The following CLHC1 variants were observed in gnomAD, a reference collection of about 807,000 sequenced individuals.
CLHC1 encodes clathrin heavy chain linker domain-containing protein 1.
CLHC1 carries 72 observed loss-of-function variants against 69.5 expected under a neutral mutation model. The observed-to-expected ratio is 1.04, with a 90% CI of 0.86 to 1.26. The LOEUF (loss-of-function observed/expected upper bound fraction) is 1.26, where lower values mean the gene tolerates loss of function less well. CLHC1 is among the 50% of genes most tolerant of loss of function. The pLI is 0.00. For synonymous variants in CLHC1, 223 were observed against 224.3 expected, an observed-to-expected ratio of 0.99 and a Z score of 0.05; for missense variants, 790 against 679.3, an observed-to-expected ratio of 1.16 and a Z score of -1.81.
At position 55,177,629 on chromosome 2, in the gene CLHC1, G is replaced by A. The variant is rs201825769; in HGVS notation, c.1537C>T (p.Leu513Phe). The A allele has an allele frequency of 1.7e-5, 27 of 1,605,170 alleles. No individual in the cohort carries two copies. Among genetic ancestry groups the A allele is most frequent in the Non-Finnish European group, 2.2e-5 (26 of 1,175,314 alleles). The change falls in exon 12 of 13, where the codon CTT becomes TTT. Residue 513 changes from leucine to phenylalanine, a missense_variant. Transcript: ENST00000401408. ...ATCCCACCTTTATTGATTTCTTGAA[G>A]TAGCTTAATGCCAACTTTTTTCATG... ...ADMKKVGIKL[L>F]QEINKGGIDA...
intron 4 of CLHC1, among the ~76,000 whole-genome samples, chr2:55,213,714 A>G (rs1274954630): frequency 6.6e-6 from 1 of 152,246 alleles, no homozygotes; most frequent in African/African-American, 2.4e-5. Flanking sequence ...GGGAGAAATA[A>G]CATATTAAAA....
intron 3 of CLHC1, among the ~76,000 whole-genome samples, chr2:55,221,423 T>G (rs912018797): frequency 6.6e-6 from 1 of 152,182 alleles, no homozygotes; most frequent in African/African-American, 2.4e-5. Context: ...TCTCCCTATT[T>G]CCAATATTAA....
intron 3 of CLHC1, among the ~76,000 whole-genome samples, chr2:55,219,665 T>A (rs1444618580): frequency 6.6e-6 from 1 of 152,144 alleles, no homozygotes; most frequent in Non-Finnish European, 1.5e-5. Flanking sequence ...CTCTTTTATA[T>A]TACCTTGGTG....
At chr2:55,222,213 T>C (rs1199678120) in intron 3 of CLHC1, 22 bp downstream of exon 3, 1 of 1,572,206 alleles carries the variant, frequency 6.4e-7, no homozygotes, top group Admixed American at 1.7e-5. Flanking sequence ...AAAACTTAAT[T>C]GTCTTAAAAG....
intron 12 of CLHC1, among the ~76,000 whole-genome samples, chr2:55,176,537 G>A (rs956645761): frequency 2.6e-5 from 4 of 151,948 alleles, no homozygotes; most frequent in African/African-American, 9.7e-5. Context: ...TTTTCTTAAG[G>A]AAATAAAATC....
intron 9 of CLHC1, among the ~76,000 whole-genome samples, chr2:55,182,693 A>AGAGT (rs1268699159): frequency 6.6e-6 from 1 of 152,226 alleles, no homozygotes; most frequent in Non-Finnish European, 1.5e-5. Context: ...GTGAAAGGCT[A>AGAGT]GAGTGAGTAA....
intron 2 of CLHC1, chr2:55,225,569 A>G (rs1674611804): frequency 6.6e-6 from 1 of 152,084 alleles, no homozygotes; most frequent in African/African-American, 2.4e-5. Flanking sequence ...GGCCCCTCCA[A>G]TCTGTCTCCC....
intron 4 of CLHC1, 106 bp from the exon 5 acceptor site, chr2:55,212,912 G>T: frequency 3.6e-6 from 3 of 840,408 alleles, no homozygotes; most frequent in Non-Finnish European, 3.8e-6. Context: ...GAACCATTAT[G>T]GACTAGGTGA....
At chr2:55,180,401 TA>T in intron 11 of CLHC1, 108 bp downstream of exon 11, 1 of 730,130 alleles carries the variant, frequency 1.4e-6, no homozygotes, top group Non-Finnish European at 2.3e-6. Context: ...TTGGTATATA[TA>T]AAATTGATTT....
intron 5 of CLHC1, 111 bp downstream of exon 5, chr2:55,212,562 C>T (rs757942164): frequency 4.0e-5 from 33 of 829,044 alleles, no homozygotes; most frequent in Non-Finnish European, 6.1e-5. Flanking sequence ...GTACAACACA[C>T]ACACATGTGC....
At chr2:55,219,774 G>C (rs1054252877) in intron 3 of CLHC1, among the ~76,000 whole-genome samples, 1 of 152,158 alleles carries the variant, frequency 6.6e-6, no homozygotes, top group African/African-American at 2.4e-5. Context: ...GGGGTCTAAG[G>C]AAGAAGAGGA....
intron 9 of CLHC1, among the ~76,000 whole-genome samples, chr2:55,194,866 T>C (rs770832239): frequency 2.0e-5 from 3 of 152,200 alleles, no homozygotes; most frequent in African/African-American, 4.8e-5. Context: ...TGTGTGTGTG[T>C]GTTTGTGCAT....
intron 9 of CLHC1, among the ~76,000 whole-genome samples, chr2:55,184,525 C>G (rs1216880178): frequency 6.6e-6 from 1 of 152,248 alleles, no homozygotes; most frequent in South Asian, 2.1e-4. Flanking sequence ...TGCCTCCTAT[C>G]CAACATTTTA....
chr2:55,232,508 C>G (rs1675514660), upstream of CLHC1: 2 of 462,020 alleles, frequency 4.3e-6, no homozygotes, highest in African/African-American at 2.0e-5. Flanking sequence ...GAAAGCATTC[C>G]GAAGGCTAAA....
intron 9 of CLHC1, among the ~76,000 whole-genome samples, chr2:55,199,464 A>G (rs572091380): frequency 9.8e-5 from 15 of 152,298 alleles, no homozygotes; most frequent in African/African-American, 3.6e-4. Context: ...TAAATTACTC[A>G]TATCTTAAGT....
chr2:55,220,280 A>G (rs1472225916), intron 3 of CLHC1, among the ~76,000 whole-genome samples: 1 of 152,156 alleles, frequency 6.6e-6, no homozygotes, highest in Non-Finnish European at 1.5e-5. Flanking sequence ...CTTCTGCCCA[A>G]CTAGTTCCTT....
intron 9 of CLHC1, 45 bp downstream of exon 9, chr2:55,206,225 T>C (rs748098743): frequency 9.1e-7 from 1 of 1,102,776 alleles, no homozygotes; most frequent in South Asian, 1.3e-5. Flanking sequence ...AGAGAAAAAG[T>C]AGTAAATTTT....
chr2:55,208,459 C>A (rs543637162), intron 8 of CLHC1, among the ~76,000 whole-genome samples, 167 bp downstream of exon 8: 26 of 152,240 alleles, frequency 1.7e-4, no homozygotes, highest in Admixed American at 1.4e-3. Context: ...TTTCAGATTT[C>A]AAATTTTTGG....
intron 9 of CLHC1, among the ~76,000 whole-genome samples, chr2:55,195,165 C>A (rs1671291007): frequency 6.6e-6 from 1 of 152,092 alleles, no homozygotes; most frequent in Admixed American, 6.6e-5. Flanking sequence ...AACTTAGTAT[C>A]CTCTGACCAA....
Sources: allele counts gnomAD v4.1 joint callset (sites outside exome capture counted in the v4.1 genomes callset), GRCh38; gene constraint gnomAD v4.1.1; transcripts MANE v1.5; gene names NCBI Gene and HGNC (gene_info 2026-07-23, HGNC 2026-07-21).